Variants in TASP1 observed in about 807,000 individuals in gnomAD.
TASP1 encodes taspase 1.
In TASP1, 16 loss-of-function variants were observed where a neutral mutation model predicts 56.6. The ratio of observed to expected loss-of-function variants is 0.28; its 90% CI spans 0.19 to 0.43. TASP1 has a LOEUF of 0.43. Ranked by LOEUF, TASP1 falls within the 20% of genes least tolerant of loss-of-function variation. The pLI, the probability that TASP1 is intolerant of heterozygous loss-of-function variation, is 1.00. For missense variants in TASP1, 393 were observed against 511.6 expected, an observed-to-expected ratio of 0.77 and a Z score of 2.24; for synonymous variants, 179 against 184.2, an observed-to-expected ratio of 0.97 and a Z score of 0.23.
intron 13 of TASP1, among the ~76,000 whole-genome samples, chr20:13,405,059 G>T (rs970613840): frequency 1.3e-4 from 20 of 152,048 alleles, no homozygotes; most frequent in African/African-American, 4.6e-4. Flanking sequence ...ACAAATAAGG[G>T]TGTTCTTATT....
the TASP1 span, among the ~76,000 whole-genome samples, chr20:13,237,147 C>T: frequency 6.6e-6 from 1 of 152,204 alleles, no homozygotes; most frequent in Non-Finnish European, 1.5e-5. Context: ...TCCCACAACA[C>T]ATGAGAATTC....
chr20:13,164,128 T>A, the TASP1 span, among the ~76,000 whole-genome samples: 1 of 152,090 alleles, frequency 6.6e-6, no homozygotes, highest in Non-Finnish European at 1.5e-5. Flanking sequence ...GAAAATGACC[T>A]TTTTTTACTT....
At chr20:13,623,377 T>C in intron 4 of TASP1, 69 bp downstream of exon 4, 1 of 1,360,594 alleles carries the variant, frequency 7.3e-7, no homozygotes, top group Non-Finnish European at 1.0e-6. Flanking sequence ...AACTCAACAA[T>C]TTCATGTCAT....
the TASP1 span, among the ~76,000 whole-genome samples, chr20:13,379,554 C>T: frequency 2.0e-5 from 3 of 151,804 alleles, no homozygotes; most frequent in South Asian, 2.1e-4. Context: ...ACATGCGTCT[C>T]GTGGTTCCTC....
At chr20:13,321,253 T>TTAAAA in the TASP1 span, among the ~76,000 whole-genome samples, 5 of 57,512 alleles carry the variant, frequency 8.7e-5, no homozygotes, top group African/African-American at 3.1e-4. Flanking sequence ...GTGCCCCACA[T>TTAAAA]AAAAAAAAAA....
intron 13 of TASP1, chr20:13,393,288 A>G: frequency 1.3e-6 from 1 of 752,878 alleles, no homozygotes; most frequent in Non-Finnish European, 2.4e-6. Flanking sequence ...TCTCCAGAAC[A>G]TCATCCCTGC....
At chr20:13,225,048 T>C in the TASP1 span, among the ~76,000 whole-genome samples, 4 of 146,450 alleles carry the variant, frequency 2.7e-5, no homozygotes, top group Non-Finnish European at 4.5e-5. Flanking sequence ...AGAGACGGGG[T>C]TTCACCGTGT....
chr20:13,375,140 T>C, the TASP1 span, among the ~76,000 whole-genome samples: 1 of 152,266 alleles, frequency 6.6e-6, no homozygotes, highest in Non-Finnish European at 1.5e-5. Context: ...ATGTGCAGGT[T>C]TGTTACATAG....
the TASP1 span, among the ~76,000 whole-genome samples, chr20:13,309,509 GA>G: frequency 6.6e-6 from 1 of 152,070 alleles, no homozygotes; most frequent in Non-Finnish European, 1.5e-5. Flanking sequence ...AACCATCAGT[GA>G]AAAGCTTTTC....
At chr20:13,308,317 G>C in the TASP1 span, among the ~76,000 whole-genome samples, 1 of 152,122 alleles carries the variant, frequency 6.6e-6, no homozygotes, top group Non-Finnish European at 1.5e-5. Context: ...CCAAATGAGG[G>C]TGTGATTAAT....
chr20:13,111,199 T>C, the TASP1 span, among the ~76,000 whole-genome samples: 3 of 152,226 alleles, frequency 2.0e-5, 1 homozygote, highest in Admixed American at 2.0e-4. Flanking sequence ...CCAGTCCTAC[T>C]GTGGGAAATG....
the TASP1 span, among the ~76,000 whole-genome samples, chr20:13,211,070 G>T: frequency 6.6e-6 from 1 of 151,956 alleles, no homozygotes; most frequent in Non-Finnish European, 1.5e-5. Context: ...AAGGAGAAAG[G>T]CAACACCTGA....
chr20:13,215,737 C>T, the TASP1 span, among the ~76,000 whole-genome samples: 1 of 152,314 alleles, frequency 6.6e-6, no homozygotes, highest in South Asian at 2.1e-4. Flanking sequence ...ATTCTCTGTA[C>T]AGCTAGGGGC....
At chr20:13,198,371 G>A in the TASP1 span, among the ~76,000 whole-genome samples, 1 of 152,204 alleles carries the variant, frequency 6.6e-6, no homozygotes, top group African/African-American at 2.4e-5. Flanking sequence ...ATCCCAACAT[G>A]GTAGGGAAAA....
the TASP1 span, among the ~76,000 whole-genome samples, chr20:13,196,729 T>A: frequency 6.6e-6 from 1 of 152,228 alleles, no homozygotes; most frequent in Non-Finnish European, 1.5e-5. Context: ...TTTTACTTAT[T>A]TCTTTTTACT....
chr20:13,596,588 C>T (rs6105136), intron 4 of TASP1, among the ~76,000 whole-genome samples: 91,738 of 151,844 alleles, frequency 0.6, 29,880 homozygotes, highest in African/African-American at 0.86. Flanking sequence ...AGGAAAAATC[C>T]AAAATCAACA....
intron 8 of TASP1, 70 bp from the exon 9 acceptor site, chr20:13,534,211 C>T: frequency 6.5e-7 from 1 of 1,544,984 alleles, no homozygotes; most frequent in South Asian, 1.3e-5. Context: ...CTACATAGCA[C>T]TTTTCCATAC....
intron 10 of TASP1, among the ~76,000 whole-genome samples, chr20:13,515,938 T>G (rs148959216): frequency 6.6e-6 from 1 of 152,098 alleles, no homozygotes; most frequent in African/African-American, 2.4e-5. Flanking sequence ...AAGCAACCCA[T>G]TGGAACTATT....
intron 7 of TASP1, 99 bp downstream of exon 7, chr20:13,569,408 T>G (rs1292274464): frequency 1.2e-6 from 1 of 859,618 alleles, no homozygotes; most frequent in African/African-American, 1.7e-5. Context: ...ATAAGTATTC[T>G]TCCATAAATA....
Sources: allele counts gnomAD v4.1 joint callset (sites outside exome capture counted in the v4.1 genomes callset), GRCh38; gene constraint gnomAD v4.1.1; transcripts MANE v1.5; gene names NCBI Gene and HGNC (gene_info 2026-07-23, HGNC 2026-07-21).